PPP3CB: variants seen among roughly 807,000 people sequenced by gnomAD.
The protein encoded by PPP3CB is serine/threonine-protein phosphatase 2B catalytic subunit beta isoform.
Under a neutral mutation model 66.4 loss-of-function variants are expected in PPP3CB, and 8 were observed. That is an observed-to-expected ratio of 0.12 (90% CI 0.07 to 0.22). PPP3CB has a LOEUF of 0.22. Among genes scored for constraint, PPP3CB ranks in the 10% least tolerant of loss-of-function variants. The pLI, the probability that PPP3CB is intolerant of heterozygous loss-of-function variation, is 1.00. For synonymous variants in PPP3CB, 208 were observed against 221.2 expected (o/e 0.94, Z 0.53); for missense variants, 319 against 642.5 (o/e 0.50, Z 5.44).
chr10:73,493,737 T>C (rs995829996), intron 1 of PPP3CB, among the ~76,000 whole-genome samples: 1 of 152,206 alleles, frequency 6.6e-6, no homozygotes, highest in Non-Finnish European at 1.5e-5. Context: ...ACCAGAAATA[T>C]GATAACCATA....
At chr10:73,453,433 T>TA (rs971138703) in intron 10 of PPP3CB, among the ~76,000 whole-genome samples, 50 of 152,242 alleles carry the variant, frequency 3.3e-4, no homozygotes, top group Non-Finnish European at 6.5e-4. Flanking sequence ...TATATATATA[T>TA]TTTTTTAATA....
At chr10:73,476,810 G>A (rs555602024) in intron 3 of PPP3CB, among the ~76,000 whole-genome samples, 16 of 152,130 alleles carry the variant, frequency 1.1e-4, no homozygotes, top group African/African-American at 3.4e-4. Flanking sequence ...AAAAGTTGAC[G>A]AGGCTAATAA....
chr10:73,447,850 T>C (rs1564549352), intron 10 of PPP3CB, among the ~76,000 whole-genome samples: 1 of 151,402 alleles, frequency 6.6e-6, no homozygotes, highest in African/African-American at 2.4e-5. Flanking sequence ...ACTGTGTGGG[T>C]ACCTGGGTAC....
At chr10:73,492,101 C>T (rs546531079) in intron 1 of PPP3CB, among the ~76,000 whole-genome samples, 1 of 152,182 alleles carries the variant, frequency 6.6e-6, no homozygotes, top group East Asian at 1.9e-4. Context: ...CAAATGAATT[C>T]TAACGTTGTC....
chr10:73,487,471 C>A (rs746039336), intron 1 of PPP3CB, among the ~76,000 whole-genome samples: 13 of 148,672 alleles, frequency 8.7e-5, no homozygotes, highest in Non-Finnish European at 1.9e-4. Context: ...TTGCTTGAAC[C>A]TGGGAGGCAG....
At chr10:73,455,680 T>C (rs911649215) in intron 9 of PPP3CB, among the ~76,000 whole-genome samples, 6 of 152,214 alleles carry the variant, frequency 3.9e-5, no homozygotes, top group African/African-American at 1.4e-4. Flanking sequence ...GCCATTCTCC[T>C]GCCTCAGCCT....
chr10:73,446,622 C>A (rs2056260259), intron 10 of PPP3CB, 49 bp from the exon 11 acceptor site: 1 of 1,520,358 alleles, frequency 6.6e-7, no homozygotes, highest in African/African-American at 1.4e-5. Context: ...TTAGGGCATG[C>A]ATGCTTACAA....
intron 9 of PPP3CB, among the ~76,000 whole-genome samples, chr10:73,461,570 C>T (rs1167990419): frequency 6.6e-6 from 1 of 152,234 alleles, no homozygotes; most frequent in East Asian, 1.9e-4. Context: ...TTATCCAATG[C>T]CTATATCCTC....
At chr10:73,480,406 T>C (rs1326519544) in intron 1 of PPP3CB, among the ~76,000 whole-genome samples, 1 of 151,990 alleles carries the variant, frequency 6.6e-6, no homozygotes, top group East Asian at 1.9e-4. Flanking sequence ...TTTGCATATG[T>C]GTAAAATGTT....
chr10:73,493,713 G>A (rs1461913246), intron 1 of PPP3CB, among the ~76,000 whole-genome samples: 1 of 152,142 alleles, frequency 6.6e-6, no homozygotes, highest in African/African-American at 2.4e-5. Context: ...TCTATGAAGA[G>A]GGCACAATGA....
chr10:73,482,435 C>T (rs1331607789), intron 1 of PPP3CB, among the ~76,000 whole-genome samples: 4 of 144,870 alleles, frequency 2.8e-5, no homozygotes, highest in South Asian at 2.3e-4. Context: ...CCTAGCTACT[C>T]GGGAGGCTGA....
chr10:73,486,815 AATGCCTCCTCCTTTGAGATTC>A (rs1367125970), intron 1 of PPP3CB, among the ~76,000 whole-genome samples: 1 of 152,194 alleles, frequency 6.6e-6, no homozygotes, highest in Non-Finnish European at 1.5e-5. Context: ...AGGGAAAAAA[AATGCCTCCTCCTTTGAGATTC>A]ATGCCTTCTG....
intron 12 of PPP3CB, among the ~76,000 whole-genome samples, chr10:73,443,091 T>G (rs1361485668): frequency 6.6e-6 from 1 of 151,700 alleles, no homozygotes; most frequent in Admixed American, 6.6e-5. Context: ...TCTTAGCTAC[T>G]TGGGTGGCTG....
chr10:73,438,875 T>G (rs1384195494), intron 13 of PPP3CB, among the ~76,000 whole-genome samples: 1 of 152,006 alleles, frequency 6.6e-6, no homozygotes, highest in Non-Finnish European at 1.5e-5. Context: ...TACCAAGAGC[T>G]TGGGAGGAGA....
intron 10 of PPP3CB, among the ~76,000 whole-genome samples, chr10:73,452,338 A>C (rs1201177229): frequency 6.6e-6 from 1 of 152,144 alleles, no homozygotes; most frequent in Non-Finnish European, 1.5e-5. Flanking sequence ...AAGGAACTAG[A>C]ATCTGAGCCC....
Position 73,479,529 on chromosome 10 carries a change from TTTAA to T in PPP3CB, c.86-16_86-13del. ...GGGGAAAGGGACAGCTGCAAATGTT[TTTAA>T]TTAATAAAAGATAAGTCACCAAAAA... On this transcript the variant is annotated splice_polypyrimidine_tract_variant and intron_variant, in intron 1 of 13. Transcript: ENST00000360663. 1 of 1,607,152 alleles carries T rather than the reference TTTAA, an allele frequency of 6.2e-7. No homozygotes were observed. The highest frequency in any genetic ancestry group is 1.7e-5 in the Admixed American group (1 of 58,900).
intron 9 of PPP3CB, among the ~76,000 whole-genome samples, chr10:73,454,752 G>C (rs1273739680): frequency 6.6e-6 from 1 of 150,984 alleles, no homozygotes; most frequent in Admixed American, 6.6e-5. Context: ...GCCCCATAGA[G>C]ATAAGAACAG....
chr10:73,440,031 A>C (rs1050024165), intron 12 of PPP3CB, 130 bp from the exon 13 acceptor site: 2 of 963,798 alleles, frequency 2.1e-6, no homozygotes, highest in African/African-American at 3.3e-5. Flanking sequence ...TTAAAATTTA[A>C]CATAAATAGT....
At chr10:73,441,764 C>T (rs2056153690) in intron 12 of PPP3CB, among the ~76,000 whole-genome samples, 1 of 152,044 alleles carries the variant, frequency 6.6e-6, no homozygotes, top group Admixed American at 6.6e-5. Context: ...AGTGCTAGCT[C>T]CCAATCAAAT....
Sources: gnomAD v4.1 joint callset for allele counts (sites outside exome capture counted in the v4.1 genomes callset) on GRCh38, gnomAD v4.1.1 for gene constraint, MANE v1.5 for transcripts, NCBI Gene and HGNC (gene_info 2026-07-23, HGNC 2026-07-21) for gene names.